The following ASPH variants were observed in gnomAD, a reference collection of about 807,000 sequenced individuals.
The protein encoded by ASPH is aspartyl/asparaginyl beta-hydroxylase.
ASPH carries 100 observed loss-of-function variants against 118.4 expected under a neutral mutation model. The ratio of observed to expected loss-of-function variants is 0.84; its 90% CI spans 0.72 to 1.00. ASPH has a LOEUF of 1.00. Ranked by LOEUF, ASPH falls within the 50% of genes least tolerant of loss-of-function variation. The pLI, the probability that ASPH is intolerant of heterozygous loss-of-function variation, is 0.00. For missense variants in ASPH, 920 were observed against 919.5 expected, an observed-to-expected ratio of 1.00 and a Z score of -0.01; for synonymous variants, 315 against 325.6, an observed-to-expected ratio of 0.97 and a Z score of 0.35.
At chr8:61,638,256 A>G in intron 11 of ASPH, 66 bp downstream of exon 11, 2 of 1,543,134 alleles carry the variant, frequency 1.3e-6, no homozygotes, top group Non-Finnish European at 1.8e-6. Flanking sequence ...TTCCACAGGT[A>G]GGAGTTTTAA....
intron 12 of ASPH, 140 bp from the exon 13 acceptor site, chr8:61,633,867 C>T: frequency 3.4e-6 from 2 of 580,264 alleles, no homozygotes; most frequent in South Asian, 5.4e-5. Flanking sequence ...AAACATTAGG[C>T]TTCTATACCC....
intron 21 of ASPH, among the ~76,000 whole-genome samples, chr8:61,540,446 G>A (rs1196387031): frequency 6.6e-6 from 1 of 152,104 alleles, no homozygotes; most frequent in Non-Finnish European, 1.5e-5. Context: ...CCATGTAAGC[G>A]TCCTGTGATT....
rs10674052 is a variant in ASPH, at chr8:61,617,932, C to CAA, written c.976+1044_976+1045dup. On this transcript the variant is annotated intron_variant, in intron 14 of 24. Coordinates refer to ENST00000379454, the MANE Select transcript of ASPH (RefSeq NM_004318.4). ...TGGGTGACATAGTGAGACGCCATCT[C>CAA]AAAAAAAAAAAAAAAAAAGAAAGAA... 9.6e-3 allele frequency among the ~76,000 whole-genome samples: 844 copies of CAA among 87,518 alleles called. 17 individuals are homozygous for CAA. The highest frequency in any genetic ancestry group is 0.03 in the African/African-American group (645 of 21,536). 57.4% of individuals were successfully genotyped at this position (87,518 alleles called of 152,430 possible).
intron 13 of ASPH, among the ~76,000 whole-genome samples, chr8:61,620,636 G>C (rs992596249): frequency 1.3e-5 from 2 of 152,098 alleles, no homozygotes; most frequent in African/African-American, 4.8e-5. Context: ...ACCTACTAAT[G>C]TCTGGCACAT....
intron 13 of ASPH, among the ~76,000 whole-genome samples, chr8:61,629,879 A>T (rs1854765959): frequency 2.0e-5 from 3 of 152,174 alleles, no homozygotes; most frequent in African/African-American, 7.2e-5. Flanking sequence ...TGCAAGGATC[A>T]ATCCGATTTC....
chr8:61,560,107 C>T (rs373094566), intron 18 of ASPH, among the ~76,000 whole-genome samples: 2 of 152,198 alleles, frequency 1.3e-5, no homozygotes, highest in African/African-American at 2.4e-5. Flanking sequence ...GCACATTCTG[C>T]GTGTGTTTCA....
chr8:61,620,866 T>C (rs1243047214), intron 13 of ASPH, among the ~76,000 whole-genome samples: 2 of 152,190 alleles, frequency 1.3e-5, no homozygotes, highest in African/African-American at 2.4e-5. Flanking sequence ...AAGGGGAGTT[T>C]AGGGCTCTCC....
chr8:61,537,689 T>G (rs1820152318), intron 21 of ASPH, among the ~76,000 whole-genome samples: 1 of 152,136 alleles, frequency 6.6e-6, no homozygotes, highest in Non-Finnish European at 1.5e-5. Flanking sequence ...TTGAGACAAA[T>G]CATGACCTAC....
At chr8:61,704,117 C>G (rs1054818554) in intron 1 of ASPH, among the ~76,000 whole-genome samples, 2 of 134,060 alleles carry the variant, frequency 1.5e-5, no homozygotes, top group African/African-American at 2.8e-5. Flanking sequence ...ATGGCGTGAA[C>G]CCGGGAGGCG....
chr8:61,633,770 T>A (rs1258182101), intron 12 of ASPH, 43 bp from the exon 13 acceptor site: 1 of 1,420,230 alleles, frequency 7.0e-7, no homozygotes, highest in Non-Finnish European at 9.6e-7. Context: ...ATATTGCTGA[T>A]CAGTGTTTAA....
In ASPH at chr8:61,502,710, T is replaced by A. The variant is rs949574171; in HGVS notation, c.*649A>T. On this transcript the variant is annotated 3_prime_UTR_variant, in exon 25 of 25. Coordinates refer to ENST00000379454, the MANE Select transcript of ASPH (RefSeq NM_004318.4). ...AGTGAGAAGAGGATCTCAATCAAGA[T>A]AAAAAAAACCAAACGATTTGAGAGT... 95 of 152,042 alleles carry A rather than the reference T, an allele frequency of 6.2e-4. No individual in the cohort carries two copies. Among genetic ancestry groups the A allele is most frequent in the African/African-American group, 2.2e-3 (92 of 41,506 alleles). The allele number at this position is 152,042 out of a possible 1,614,324, so 9.4% of individuals were successfully genotyped here.
In ASPH at chr8:61,607,807, G is replaced by A. The variant is rs137895087; in HGVS notation, c.976+11171C>T. Among the ~76,000 whole-genome samples the A allele has an allele frequency of 9.6e-3, 1,466 of 152,196 alleles. 7 individuals carry two copies. Among genetic ancestry groups the A allele is most frequent in the Non-Finnish European group, 0.014 (945 of 68,010 alleles). On this transcript the variant is annotated intron_variant, in intron 14 of 24. Transcript: ENST00000379454. The stretch of plus-strand genomic sequence containing the variant: ...AGGGTTATGTTTTCCCTCAAACATC[G>A]TCATCCTATACAGCAATATTTGTTC...
At chr8:61,678,150 C>T (rs1203099217) in intron 3 of ASPH, among the ~76,000 whole-genome samples, 1 of 152,026 alleles carries the variant, frequency 6.6e-6, no homozygotes, top group Non-Finnish European at 1.5e-5. Context: ...GACTGGCTTC[C>T]CTTTTGCTTT....
chr8:61,531,752 G>A (rs1817646635), intron 21 of ASPH, among the ~76,000 whole-genome samples: 1 of 151,992 alleles, frequency 6.6e-6, no homozygotes, highest in Admixed American at 6.6e-5. Context: ...CTATGAGTTT[G>A]ACTTTTTTAG....
chr8:61,700,277 C>T (rs1422917443), intron 1 of ASPH, among the ~76,000 whole-genome samples: 1 of 152,166 alleles, frequency 6.6e-6, no homozygotes, highest in African/African-American at 2.4e-5. Flanking sequence ...GGGCCTCACC[C>T]CCTTTTCCTC....
At chr8:61,572,907 A>C (rs935782869) in intron 16 of ASPH, among the ~76,000 whole-genome samples, 2 of 152,230 alleles carry the variant, frequency 1.3e-5, no homozygotes, top group African/African-American at 4.8e-5. Flanking sequence ...AAATAGAAAG[A>C]GAGGAAGTCA....
chr8:61,646,731 T>C lies in ASPH; in HGVS notation c.619+19A>G. The C allele has an allele frequency of 6.2e-7, 1 of 1,600,240 alleles. No individual in the cohort carries two copies. Among genetic ancestry groups the C allele is most frequent in the Admixed American group, 1.7e-5 (1 of 57,832 alleles). ...ATTGATTATATTTTATCCTAAAACT[T>C]GAAAAAAAAGTGTTCTACCTTCATG... On this transcript the variant is annotated intron_variant, in intron 6 of 24. Transcript: ENST00000379454.
intron 1 of ASPH, among the ~76,000 whole-genome samples, chr8:61,685,115 C>T (rs1024922249): frequency 6.6e-6 from 1 of 152,060 alleles, no homozygotes; most frequent in Non-Finnish European, 1.5e-5. Flanking sequence ...GCTTTGCTGC[C>T]GGTGATCCTC....
At chr8:61,676,294 T>G in intron 3 of ASPH, 6 of 1,586,636 alleles carry the variant, frequency 3.8e-6, no homozygotes, top group Non-Finnish European at 5.1e-6. Context: ...AATCAATATT[T>G]TCATTACTGC....
Sources: allele counts gnomAD v4.1 joint callset (sites outside exome capture counted in the v4.1 genomes callset), GRCh38; gene constraint gnomAD v4.1.1; transcripts MANE v1.5; gene names NCBI Gene and HGNC (gene_info 2026-07-23, HGNC 2026-07-21).